Variants in GPALPP1 observed in about 807,000 individuals in gnomAD.
The protein encoded by GPALPP1 is GPALPP motifs containing 1.
GPALPP1 carries 30 observed loss-of-function variants against 38.9 expected under a neutral mutation model. That is an observed-to-expected ratio of 0.77 (90% confidence interval 0.58 to 1.05). GPALPP1 has a LOEUF of 1.05. Among genes scored for constraint, GPALPP1 ranks in the 50% least tolerant of loss-of-function variants. The pLI is 0.00. For synonymous variants in GPALPP1, 120 were observed against 139.2 expected (o/e 0.86, Z 0.97); for missense variants, 384 against 408.8 (o/e 0.94, Z 0.52).
chr13:45,011,721 C>T (rs1178253411), intron 4 of GPALPP1, among the ~76,000 whole-genome samples: 3 of 152,182 alleles, frequency 2.0e-5, no homozygotes, highest in Non-Finnish European at 2.9e-5. Context: ...CAAACCATAT[C>T]AGCAAGTATT....
At chr13:45,033,896 C>G (rs1876315794), downstream of GPALPP1, 1 of 152,178 alleles carries the variant, frequency 6.6e-6, no homozygotes, top group Admixed American at 6.5e-5. Flanking sequence ...TTCTTCATAT[C>G]ACAGGACCTG....
chr13:45,007,100 C>T (rs188266292), intron 3 of GPALPP1, among the ~76,000 whole-genome samples: 81 of 151,994 alleles, frequency 5.3e-4, no homozygotes, highest in South Asian at 8.3e-4. Flanking sequence ...AATCTACAGT[C>T]CCCAAACTAA....
chr13:44,989,797 G>C, intron 1 of GPALPP1, 55 bp downstream of exon 1: 1 of 1,360,802 alleles, frequency 7.3e-7, no homozygotes, highest in Non-Finnish European at 1.0e-6. Flanking sequence ...TCCCTGGCCG[G>C]GCCCTGCTCG....
chr13:45,024,608 T>G (rs1266747310), intron 7 of GPALPP1, among the ~76,000 whole-genome samples: 1 of 150,830 alleles, frequency 6.6e-6, no homozygotes, highest in African/African-American at 2.4e-5. Flanking sequence ...CCTAAAACTG[T>G]GTATTTTTAA....
chr13:45,033,562 C>T (rs1300572088), downstream of GPALPP1: 1 of 152,140 alleles, frequency 6.6e-6, no homozygotes, highest in African/African-American at 2.4e-5. Context: ...AACAGAATTC[C>T]TAAAGTGTAA....
At chr13:45,023,664 T>C (rs941533397) in intron 7 of GPALPP1, among the ~76,000 whole-genome samples, 5 of 152,244 alleles carry the variant, frequency 3.3e-5, no homozygotes, top group African/African-American at 9.6e-5. Flanking sequence ...CTTTGTTATA[T>C]ATTTAGGCCT....
At chr13:44,994,884 G>A (rs553372924) in intron 1 of GPALPP1, among the ~76,000 whole-genome samples, 40 of 150,978 alleles carry the variant, frequency 2.6e-4, no homozygotes, top group African/African-American at 8.3e-4. Flanking sequence ...ACGGAGTTTC[G>A]CTCTTGTTGC....
At chr13:45,021,751 A>G (rs145225690) in intron 7 of GPALPP1, among the ~76,000 whole-genome samples, 65 of 152,346 alleles carry the variant, frequency 4.3e-4, no homozygotes, top group South Asian at 8.3e-4. Context: ...AAAATACAAC[A>G]TATCACAATG....
exon 8 of GPALPP1, chr13:45,035,620 T>G (rs1381878165): frequency 2.0e-5 from 3 of 152,224 alleles, no homozygotes; most frequent in Non-Finnish European, 4.4e-5. Context: ...AATTCAACAA[T>G]TATTAGTCAA....
At chr13:45,032,596 G>C (rs1314561192), downstream of GPALPP1, among the ~76,000 whole-genome samples, 1 of 151,358 alleles carries the variant, frequency 6.6e-6, no homozygotes, top group Non-Finnish European at 1.5e-5. Context: ...AGTAGAGACG[G>C]GGTTTCACCA....
At chr13:45,035,664 T>G (rs1253755305) in exon 8 of GPALPP1, 1 of 152,254 alleles carries the variant, frequency 6.6e-6, no homozygotes, top group Non-Finnish European at 1.5e-5. Context: ...AGAATGTTTT[T>G]ACTTAGGGAC....
chr13:45,031,144 G>A (rs755097928), downstream of GPALPP1: 8 of 152,194 alleles, frequency 5.3e-5, no homozygotes, highest in African/African-American at 9.7e-5. Context: ...CAACAAGAGT[G>A]AAACTCCATC....
In GPALPP1 at chr13:45,017,887, T is replaced by C. The variant is rs527307217; in HGVS notation, c.705+2291T>C. On this transcript the variant is annotated intron_variant, in intron 6 of 7. Coordinates refer to ENST00000379151, the MANE Select transcript of GPALPP1 (RefSeq NM_018559.5). ...TACAGAATATAGTACCACAGACATA[T>C]ATTTATGTCACAAACTATATAGTAT... Among the ~76,000 whole-genome samples, 103 of 152,358 alleles carry C rather than the reference T, an allele frequency of 6.8e-4. 1 individual carries two copies. The highest frequency in any genetic ancestry group is 1.2e-3 in the Non-Finnish European group (81 of 68,034).
At chr13:45,021,679 T>G (rs1159055952) in intron 7 of GPALPP1, among the ~76,000 whole-genome samples, 1 of 151,206 alleles carries the variant, frequency 6.6e-6, no homozygotes, top group Non-Finnish European at 1.5e-5. Context: ...AACTCAAAAT[T>G]TAAACTTTGC....
chr13:45,027,085 G>A (rs995368479), intron 7 of GPALPP1, among the ~76,000 whole-genome samples: 2 of 152,074 alleles, frequency 1.3e-5, no homozygotes, highest in East Asian at 1.9e-4. Flanking sequence ...CCAGGGATAC[G>A]TATACCCCAG....
chr13:44,995,169 A>AACACACACACACAC (rs371911111), intron 1 of GPALPP1, among the ~76,000 whole-genome samples: 9,406 of 128,414 alleles, frequency 0.073, 515 homozygotes, highest in Non-Finnish European at 0.093. Context: ...CCTATCTTTA[A>AACACACACACACAC]ACACACACAC....
chr13:44,992,977 C>T (rs1013023474), intron 1 of GPALPP1, among the ~76,000 whole-genome samples: 1 of 152,186 alleles, frequency 6.6e-6, no homozygotes, highest in Non-Finnish European at 1.5e-5. Context: ...TCCCTGGTAA[C>T]TACCATCTAC....
chr13:45,027,777 C>G lies in GPALPP1; in HGVS notation c.805-8C>G, dbSNP rs752436608. The G allele has an allele frequency of 2.3e-6, 3 of 1,311,832 alleles. No homozygotes were observed. The highest frequency in any genetic ancestry group is 1.2e-5 in the South Asian group (1 of 81,740). The allele number at this position is 1,311,832 out of a possible 1,614,324, so 81.3% of individuals were successfully genotyped here. ...TAGTTTTTATTTCTGCTCTCCTGCT[C>G]TCTCCAGGAATCAAAAAGATCAGAA... On this transcript the variant is annotated splice_polypyrimidine_tract_variant and splice_region_variant and intron_variant, in intron 7 of 7. Coordinates refer to ENST00000379151, the MANE Select transcript of GPALPP1 (RefSeq NM_018559.5).
intron 4 of GPALPP1, among the ~76,000 whole-genome samples, chr13:45,010,100 A>T (rs1474262500): frequency 6.6e-6 from 1 of 152,090 alleles, no homozygotes. Flanking sequence ...AGGGCCCTAT[A>T]CAGTCTGGCC....
Sources: gnomAD v4.1 joint callset for allele counts (sites outside exome capture counted in the v4.1 genomes callset) on GRCh38, gnomAD v4.1.1 for gene constraint, MANE v1.5 for transcripts, NCBI Gene and HGNC (gene_info 2026-07-23, HGNC 2026-07-21) for gene names.